The following SEMA3F variants were observed in gnomAD, a reference collection of about 807,000 sequenced individuals.
SEMA3F encodes semaphorin-3F.
A neutral mutation model predicts 98.5 loss-of-function variants in SEMA3F; 30 were observed. That is an observed-to-expected ratio of 0.30 (90% confidence interval 0.23 to 0.41). SEMA3F has a LOEUF of 0.41. SEMA3F is among the 10% of genes least tolerant of loss of function. The pLI, the probability that SEMA3F is intolerant of heterozygous loss-of-function variation, is 1.00. For missense variants in SEMA3F, 866 were observed against 1,119.3 expected, an observed-to-expected ratio of 0.77 and a Z score of 3.23; for synonymous variants, 380 against 444.8, an observed-to-expected ratio of 0.85 and a Z score of 1.83.
intron 2 of SEMA3F, among the ~76,000 whole-genome samples, chr3:50,167,321 C>T (rs1698439550): frequency 6.6e-6 from 1 of 152,186 alleles, no homozygotes; most frequent in South Asian, 2.1e-4. Context: ...CCGGAGAGAC[C>T]CCATCTGCTG....
chr3:50,167,758 C>A (rs895126248), intron 2 of SEMA3F, among the ~76,000 whole-genome samples: 3 of 152,172 alleles, frequency 2.0e-5, no homozygotes, highest in Non-Finnish European at 4.4e-5. Context: ...TCACCAATTC[C>A]CTGCACCCCT....
Position 50,174,070 on chromosome 3 carries a change from C to G in SEMA3F, c.292C>G (p.Pro98Ala). The G allele has an allele frequency of 6.2e-7, 1 of 1,614,130 alleles. No individual in the cohort carries two copies. The highest frequency in any genetic ancestry group is 8.5e-7 in the Non-Finnish European group (1 of 1,180,022). Reference sequence around the variant, plus strand: ...TCTGCAGATACACTGGGCAGCCTCCCCACAGCGCATCGAGGAATGCGTGCT... The same window carrying G: ...TCTGCAGATACACTGGGCAGCCTCCGCACAGCGCATCGAGGAATGCGTGCT... ...EPLIIHWAAS[P>A]QRIEECVLSG... Residue 98 changes from proline to alanine, a missense_variant, in exon 4 of 19, where the codon CCA becomes GCA. Physicochemically the swap from Pro to Ala is conservative, Grantham distance 27. This residue lies in a region of SEMA3F where 247 missense variants were observed against 276.0 expected (regional missense o/e 0.89). Transcript: ENST00000002829.
chr3:50,171,478 G>A (rs1478069371), intron 2 of SEMA3F, among the ~76,000 whole-genome samples: 2 of 152,062 alleles, frequency 1.3e-5, no homozygotes, highest in Non-Finnish European at 2.9e-5. Flanking sequence ...GTGTCTGAAG[G>A]CGCCCACTTA....
rs760357041 is a variant in SEMA3F at position 50,174,365 on chromosome 3, C to T, written c.456+15C>T. On this transcript the variant is annotated intron_variant, in intron 5 of 18. Coordinates refer to ENST00000002829, the MANE Select transcript of SEMA3F (RefSeq NM_004186.5). Reference sequence around the variant, plus strand: ...GCCGCGCCCAGGTAAGCCCCAGCCACCCTGGCCCTGTGCTGCCCCCGCTGG... The same window carrying T: ...GCCGCGCCCAGGTAAGCCCCAGCCATCCTGGCCCTGTGCTGCCCCCGCTGG... 4 of 1,606,564 alleles carry T rather than the reference C, an allele frequency of 2.5e-6. No individual in the cohort carries two copies. Among genetic ancestry groups the T allele is most frequent in the East Asian group, 2.2e-5 (1 of 44,752 alleles).
intron 2 of SEMA3F, among the ~76,000 whole-genome samples, chr3:50,171,700 G>A (rs1168463739): frequency 5.9e-5 from 9 of 152,182 alleles, no homozygotes; most frequent in Non-Finnish European, 1.2e-4. Flanking sequence ...TGTTGTCACT[G>A]TGGGTGAGCA....
At chr3:50,174,526 C>T (rs779260023) in intron 5 of SEMA3F, among the ~76,000 whole-genome samples, 176 bp downstream of exon 5, 6 of 152,260 alleles carry the variant, frequency 3.9e-5, no homozygotes, top group Admixed American at 6.5e-5. Flanking sequence ...TGGGGCTAAC[C>T]GCTGCCTTTC....
At chr3:50,157,408 C>T (rs1031702006) in intron 1 of SEMA3F, among the ~76,000 whole-genome samples, 2 of 152,134 alleles carry the variant, frequency 1.3e-5, no homozygotes, top group African/African-American at 4.8e-5. Flanking sequence ...CCTTCCTTCC[C>T]TCCTTCTCTG....
At chr3:50,171,789 C>G (rs1335446552) in intron 2 of SEMA3F, among the ~76,000 whole-genome samples, 1 of 152,158 alleles carries the variant, frequency 6.6e-6, no homozygotes, top group Non-Finnish European at 1.5e-5. Flanking sequence ...GGCCGCCCTG[C>G]CCAGGACTTC....
At chr3:50,183,653 A>G (rs1297000295) in intron 12 of SEMA3F, 89 bp downstream of exon 12, 2 of 1,404,384 alleles carry the variant, frequency 1.4e-6, no homozygotes, top group African/African-American at 1.4e-5. Flanking sequence ...CCCCACCATC[A>G]TGGCCCTCCC....
chr3:50,177,104 G>T (rs373554741), intron 7 of SEMA3F, among the ~76,000 whole-genome samples: 1 of 152,318 alleles, frequency 6.6e-6, no homozygotes, highest in African/African-American at 2.4e-5. Flanking sequence ...AGGAAGCCAG[G>T]TCCTACCCTG....
At chr3:50,184,536 G>A in intron 12 of SEMA3F, 56 bp from the exon 13 acceptor site, 1 of 1,352,612 alleles carries the variant, frequency 7.4e-7, no homozygotes, top group Non-Finnish European at 1.0e-6. Flanking sequence ...GAAGCTAATG[G>A]CTCCAGCCTG....
Position 50,182,344 on chromosome 3 carries a change from G to A in SEMA3F, c.704G>A (p.Arg235His), listed in dbSNP as rs1007217371. 4.3e-6 allele frequency: 7 copies of A among 1,614,002 alleles called. No homozygotes were observed. Among genetic ancestry groups the A allele is most frequent in the Non-Finnish European group, 5.9e-6 (7 of 1,180,006 alleles). ...DFMGTDAAIF[R>H]TLGKQTAMRT... is the part of the protein sequence containing the mutation. ...ATGGGCACTGATGCAGCCATCTTCCGCACACTTGGAAAGCAGACAGCCATG... is the reference window on the plus strand; with the variant it reads ...ATGGGCACTGATGCAGCCATCTTCCACACACTTGGAAAGCAGACAGCCATG... The change falls in exon 8 of 19, where the codon CGC becomes CAC. Residue 235 changes from arginine to histidine, a missense_variant. By Grantham distance (29) the Arg-to-His change is conservative. Coordinates refer to ENST00000002829, the MANE Select transcript of SEMA3F (RefSeq NM_004186.5). This position sits in a 1 kb window ranked among gnomAD's most constrained non-coding sequence, Gnocchi z 4.5.
At chr3:50,184,262 C>T (rs547321338) in intron 12 of SEMA3F, 17 of 377,568 alleles carry the variant, frequency 4.5e-5, no homozygotes, top group South Asian at 1.1e-4. Flanking sequence ...AGGAGGGAGA[C>T]GGGTGAGACC....
At chr3:50,157,160 C>T (rs1352762374) in intron 1 of SEMA3F, among the ~76,000 whole-genome samples, 1 of 151,898 alleles carries the variant, frequency 6.6e-6, no homozygotes, top group African/African-American at 2.4e-5. Flanking sequence ...GGCTGTCCAC[C>T]CCCACCCCCA....
chr3:50,165,598 A>C (rs1213006213), intron 2 of SEMA3F, among the ~76,000 whole-genome samples: 1 of 152,196 alleles, frequency 6.6e-6, no homozygotes, highest in Non-Finnish European at 1.5e-5. Context: ...GCCTGGTGCT[A>C]TCCTGGGAAT....
intron 6 of SEMA3F, 126 bp downstream of exon 6, chr3:50,175,314 C>T (rs1393059761): frequency 2.9e-6 from 2 of 678,892 alleles, no homozygotes; most frequent in South Asian, 1.7e-5. Flanking sequence ...ACCCTGTCCC[C>T]ACCCCTTCCC....
chr3:50,180,150 T>C (rs1025589801), intron 7 of SEMA3F, among the ~76,000 whole-genome samples: 1 of 152,126 alleles, frequency 6.6e-6, no homozygotes, highest in African/African-American at 2.4e-5. Flanking sequence ...TGTTTTTTTT[T>C]ATTTGTTTGT....
chr3:50,187,994 G>A lies in SEMA3F; in HGVS notation c.2237G>A (p.Cys746Tyr). ...QPEVGLIHQY[C>Y]QGYWRHVPPS... ...GAAGTGGGCCTCATCCACCAGTACTGCCAGGGTTACTGGCGCCATGTGCCC... is the reference window on the plus strand; with the variant it reads ...GAAGTGGGCCTCATCCACCAGTACTACCAGGGTTACTGGCGCCATGTGCCC... The change falls in exon 19 of 19, where the codon TGC (cysteine) becomes TAC (tyrosine). Residue 746 changes from cysteine to tyrosine, a missense_variant. Physicochemically the swap from Cys to Tyr is radical, Grantham distance 194. This residue lies in a region of SEMA3F where 245 missense variants were observed against 260.5 expected (regional missense o/e 0.94). Coordinates refer to ENST00000002829, the MANE Select transcript of SEMA3F (RefSeq NM_004186.5). 6.2e-7 allele frequency: 1 copy of A among 1,606,998 alleles called. No individual in the cohort carries two copies. Among genetic ancestry groups the A allele is most frequent in the Non-Finnish European group, 8.5e-7 (1 of 1,177,610 alleles).
Position 50,188,164 on chromosome 3 carries a change from TA to T in SEMA3F, c.*51del. On this transcript the variant is annotated 3_prime_UTR_variant, in exon 19 of 19. Coordinates refer to ENST00000002829, the MANE Select transcript of SEMA3F (RefSeq NM_004186.5). The surrounding 1 kb of genome is among the most constrained non-coding windows in gnomAD (Gnocchi z 4.5). ...GGGCCAGCCTAGCCCTTGTCCCTTT[TA>T]ATATAAAAGATATATATATATATAT... 1.2e-6 allele frequency: 1 copy of T among 830,484 alleles called. No homozygotes were observed. Among genetic ancestry groups the T allele is most frequent in the Non-Finnish European group, 1.6e-6 (1 of 620,462 alleles). The allele number at this position is 830,484 out of a possible 1,614,324, so 51.4% of individuals were successfully genotyped here.
Sources: allele counts gnomAD v4.1 joint callset (sites outside exome capture counted in the v4.1 genomes callset), GRCh38; gene constraint gnomAD v4.1.1; regional missense constraint gnomAD v4.1.1; non-coding constraint Gnocchi (gnomAD v3.1); transcripts MANE v1.5; gene names NCBI Gene and HGNC (gene_info 2026-07-23, HGNC 2026-07-21).